The following ZFYVE28 variants were observed in gnomAD, a reference collection of about 807,000 sequenced individuals.
The protein encoded by ZFYVE28 is lateral signaling target protein 2 homolog.
In ZFYVE28, 40 loss-of-function variants were observed where a neutral mutation model predicts 82.1. The ratio of observed to expected loss-of-function variants is 0.49; its 90% CI spans 0.38 to 0.63. The LOEUF (loss-of-function observed/expected upper bound fraction) is 0.63, where lower values mean the gene tolerates loss of function less well. Ranked by LOEUF, ZFYVE28 falls within the 30% of genes least tolerant of loss-of-function variation. The probability of loss-of-function intolerance (pLI) is 0.00; values close to 1 mark genes in which losing one functional copy is unlikely to be tolerated. For missense variants in ZFYVE28, 1,321 were observed against 1,242.1 expected, an observed-to-expected ratio of 1.06 and a Z score of -0.96; for synonymous variants, 612 against 546.1, an observed-to-expected ratio of 1.12 and a Z score of -1.68.
At chr4:2,385,245 C>G (rs1729131095) in intron 1 of ZFYVE28, among the ~76,000 whole-genome samples, 1 of 152,192 alleles carries the variant, frequency 6.6e-6, no homozygotes, top group African/African-American at 2.4e-5. Flanking sequence ...ACAGTGATGA[C>G]CCTGGCCTGT....
At chr4:2,353,799 G>A in intron 2 of ZFYVE28, 134 bp downstream of exon 2, 1 of 1,146,830 alleles carries the variant, frequency 8.7e-7, no homozygotes, top group Non-Finnish European at 1.1e-6. Context: ...TCCTGGGCCT[G>A]GCTTCTCTAG....
At chr4:2,284,690 C>CT (rs1336373180) in intron 8 of ZFYVE28, among the ~76,000 whole-genome samples, 1 of 152,164 alleles carries the variant, frequency 6.6e-6, no homozygotes, top group Non-Finnish European at 1.5e-5. Flanking sequence ...ACAAAGACCT[C>CT]CGGGGGGCTG....
chr4:2,389,070 G>A (rs1729560887), intron 1 of ZFYVE28, among the ~76,000 whole-genome samples: 1 of 152,000 alleles, frequency 6.6e-6, no homozygotes, highest in African/African-American at 2.4e-5. Flanking sequence ...CCCTCCTCTG[G>A]GACCCCAGAT....
chr4:2,397,393 G>A (rs1209467812), intron 1 of ZFYVE28, among the ~76,000 whole-genome samples: 2 of 149,192 alleles, frequency 1.3e-5, no homozygotes, highest in Non-Finnish European at 3.0e-5. Context: ...CAGGAGAATC[G>A]CTTGAACCCA....
chr4:2,403,644 G>A (rs754033063), intron 1 of ZFYVE28, among the ~76,000 whole-genome samples: 42 of 152,116 alleles, frequency 2.8e-4, no homozygotes, highest in African/African-American at 8.9e-4. Context: ...CACCGACCCC[G>A]CCTCCGATGA....
intron 1 of ZFYVE28, chr4:2,365,019 C>G: frequency 2.0e-6 from 1 of 499,172 alleles, no homozygotes. Flanking sequence ...GCCCCGCACG[C>G]GGAAGTGGGG....
In ZFYVE28 at chr4:2,304,520, G is replaced by T; in HGVS notation, c.1820C>A (p.Pro607His). 6.2e-7 allele frequency: 1 copy of T among 1,612,650 alleles called. No homozygotes were observed. Among genetic ancestry groups the T allele is most frequent in the Non-Finnish European group, 8.5e-7 (1 of 1,179,712 alleles). ...AGLAKASDRA[P>H]ERQEEAPPPS... The stretch of plus-strand genomic sequence containing the variant: ...TGGGGGCGCCTCCTCCTGTCTCTCA[G>T]GGGCCCTGTCGCTGGCCTTGGCTAA... Residue 607 changes from proline to histidine, a missense_variant, in exon 8 of 13, where the codon CCT becomes CAT. Physicochemically the swap from Pro to His is moderately conservative, Grantham distance 77. Around this residue, in one of 2 missense-constraint regions of ZFYVE28, gnomAD observed 978 missense variants for 833.7 expected, o/e 1.17. Transcript: ENST00000290974.
rs543617673 is a variant in ZFYVE28 at position 2,410,857 on chromosome 4, G to A, written c.39+7428C>T. 7.2e-5 allele frequency among the ~76,000 whole-genome samples: 11 copies of A among 152,268 alleles called. 1 individual carries two copies. The South Asian group carries it at 1.5e-3, about 20-fold the overall frequency. ...TGTATCTGTTCTTCCTTCCATGGAC[G>A]TTTGGGTTGTTTCCCCCTTTTGGCT... is the stretch of plus-strand genomic sequence containing the variant. On this transcript the variant is annotated intron_variant, in intron 1 of 12. Coordinates refer to ENST00000290974, the MANE Select transcript of ZFYVE28 (RefSeq NM_020972.3).
At chr4:2,410,641 G>A (rs4974689) in intron 1 of ZFYVE28, among the ~76,000 whole-genome samples, 24,633 of 151,752 alleles carry the variant, frequency 0.16, 2,158 homozygotes, top group East Asian at 0.34. Flanking sequence ...GACTACAGGC[G>A]CCCGCCACCA....
chr4:2,350,596 G>A (rs1055757839), intron 2 of ZFYVE28, among the ~76,000 whole-genome samples: 5 of 152,176 alleles, frequency 3.3e-5, no homozygotes, highest in African/African-American at 4.8e-5. Flanking sequence ...GTGGCTGGGG[G>A]GCCCTAGACA....
intron 1 of ZFYVE28, among the ~76,000 whole-genome samples, chr4:2,384,425 G>A (rs1729040745): frequency 6.6e-6 from 1 of 152,198 alleles, no homozygotes; most frequent in Non-Finnish European, 1.5e-5. Context: ...CAGCTGCCTG[G>A]TTTCCCAGGA....
At chr4:2,271,853 G>C (rs775373536) in intron 10 of ZFYVE28, 74 bp from the exon 11 acceptor site, 245 of 1,386,238 alleles carry the variant, frequency 1.8e-4, no homozygotes, top group Non-Finnish European at 2.4e-4. Flanking sequence ...TGCACTTGCT[G>C]GGCACAGCTG....
rs190142554 is a variant in ZFYVE28 at position 2,319,809 on chromosome 4, C to T, written c.803+361G>A. Among the ~76,000 whole-genome samples the T allele has an allele frequency of 0.02, 404 of 20,098 alleles. 12 individuals carry two copies. In the East Asian group the frequency reaches 0.24, roughly 12 times the overall value. 13.2% of individuals were successfully genotyped at this position (20,098 alleles called of 152,430 possible). On this transcript the variant is annotated intron_variant, in intron 7 of 12. Coordinates refer to ENST00000290974, the MANE Select transcript of ZFYVE28 (RefSeq NM_020972.3). ...GCAAGCGCTTTGGGGACGGTGGGGACGGTGGGGATGGTGGGGATGGTGGGG... is the reference window on the plus strand; with the variant it reads ...GCAAGCGCTTTGGGGACGGTGGGGATGGTGGGGATGGTGGGGATGGTGGGG...
At chr4:2,318,074 C>A (rs1259818442) in intron 7 of ZFYVE28, among the ~76,000 whole-genome samples, 1 of 152,204 alleles carries the variant, frequency 6.6e-6, no homozygotes, top group African/African-American at 2.4e-5. Flanking sequence ...TTTCACCAGC[C>A]CTTGATTAGA....
In ZFYVE28 at chr4:2,283,880, C is replaced by T. The variant is rs1272236748; in HGVS notation, c.2052-9664G>A. Among the ~76,000 whole-genome samples the T allele has an allele frequency of 2.0e-5, 3 of 152,126 alleles. No individual in the cohort carries two copies. The East Asian group carries it at 5.8e-4, about 29-fold the overall frequency. ...TGAATGAAAGCCAAGAGGTGGGAAG[C>T]AGCCGACAGACTGTAGGGAACCCCC... On this transcript the variant is annotated intron_variant, in intron 8 of 12. Transcript: ENST00000290974.
In ZFYVE28 at chr4:2,377,238, G is replaced by C. The variant is rs548068713; in HGVS notation, c.40-23165C>G. Reference sequence around the variant, plus strand: ...GGGTTTTGCCGTGTTAGCCAGGATGGTCTCGATCTCCTGACCTTGTGATCC... The same window carrying C: ...GGGTTTTGCCGTGTTAGCCAGGATGCTCTCGATCTCCTGACCTTGTGATCC... On this transcript the variant is annotated intron_variant, in intron 1 of 12. Transcript: ENST00000290974. Among the ~76,000 whole-genome samples the C allele has an allele frequency of 8.5e-5, 13 of 152,212 alleles. 1 individual carries two copies. The highest frequency in any genetic ancestry group is 2.4e-4 in the African/African-American group (10 of 41,532).
intron 1 of ZFYVE28, among the ~76,000 whole-genome samples, chr4:2,356,902 G>A (rs796702917): frequency 2.6e-5 from 4 of 151,904 alleles, no homozygotes; most frequent in African/African-American, 7.2e-5. Context: ...TTTTTGAGAC[G>A]GAGTCTCACT....
chr4:2,382,685 A>G (rs1009119438), intron 1 of ZFYVE28, among the ~76,000 whole-genome samples: 6 of 152,344 alleles, frequency 3.9e-5, no homozygotes, highest in Non-Finnish European at 7.3e-5. Flanking sequence ...GCCTTGTCTT[A>G]GATGAGACTT....
At chr4:2,385,951 G>A (rs1729214748) in intron 1 of ZFYVE28, among the ~76,000 whole-genome samples, 1 of 152,174 alleles carries the variant, frequency 6.6e-6, no homozygotes, top group Non-Finnish European at 1.5e-5. Context: ...TACAAGCACT[G>A]CACCGGGCTC....
Sources: allele counts gnomAD v4.1 joint callset (sites outside exome capture counted in the v4.1 genomes callset), GRCh38; gene constraint gnomAD v4.1.1; regional missense constraint gnomAD v4.1.1; transcripts MANE v1.5; gene names NCBI Gene and HGNC (gene_info 2026-07-23, HGNC 2026-07-21).